PDE11A: variants seen among roughly 807,000 people sequenced by gnomAD.
PDE11A encodes the protein phosphodiesterase 11A.
A neutral mutation model predicts 100.5 loss-of-function variants in PDE11A; 100 were observed. The observed-to-expected ratio is 1.00, with a 90% CI of 0.85 to 1.18. PDE11A has a LOEUF of 1.18. Among genes scored for constraint, PDE11A ranks in the 50% most tolerant of loss-of-function variants. The pLI is 0.00. For missense variants in PDE11A, 1,141 were observed against 1,152.6 expected, an observed-to-expected ratio of 0.99 and a Z score of 0.15; for synonymous variants, 381 against 420.8, an observed-to-expected ratio of 0.91 and a Z score of 1.16.
At chr2:177,829,194 T>C (rs768332585) in intron 6 of PDE11A, among the ~76,000 whole-genome samples, 20 of 152,020 alleles carry the variant, frequency 1.3e-4, no homozygotes, top group Non-Finnish European at 2.6e-4. Context: ...AGGAGCAGGC[T>C]TGGGGGGCAG....
At chr2:177,696,842 G>A (rs2081118796) in intron 15 of PDE11A, among the ~76,000 whole-genome samples, 1 of 152,178 alleles carries the variant, frequency 6.6e-6, no homozygotes, top group Non-Finnish European at 1.5e-5. Context: ...AAATGGGAGG[G>A]TGCAATTTCC....
intron 5 of PDE11A, among the ~76,000 whole-genome samples, chr2:177,853,714 T>TTTG (rs2083770483): frequency 2.5e-4 from 4 of 16,302 alleles, no homozygotes; most frequent in African/African-American, 6.8e-4. Flanking sequence ...GTGTGTGTGT[T>TTTG]TGTGTGTGTG....
Position 177,624,449 on chromosome 2 carries a change from A to G in PDE11A, c.*4958T>C, listed in dbSNP as rs1296691609. 1 of 152,188 alleles carries G rather than the reference A, an allele frequency of 6.6e-6. No homozygotes were observed. The highest frequency in any genetic ancestry group is 1.5e-5 in the Non-Finnish European group (1 of 68,022). The allele number at this position is 152,188 out of a possible 1,614,324, so 9.4% of individuals were successfully genotyped here. On this transcript the variant is annotated 3_prime_UTR_variant, in exon 20 of 20. Coordinates refer to ENST00000286063, the MANE Select transcript of PDE11A (RefSeq NM_016953.4). ...TTAAAATAATTTTACTGCAGAATAAATTGGGCAGATTCTGTTTAATTACCT... is the reference window on the plus strand; with the variant it reads ...TTAAAATAATTTTACTGCAGAATAAGTTGGGCAGATTCTGTTTAATTACCT...
chr2:177,693,915 C>T (rs374669580), intron 15 of PDE11A, among the ~76,000 whole-genome samples: 5 of 152,272 alleles, frequency 3.3e-5, no homozygotes, highest in African/African-American at 1.2e-4. Flanking sequence ...AACATCGGGG[C>T]GACAGTTTGT....
intron 5 of PDE11A, among the ~76,000 whole-genome samples, chr2:177,844,163 G>T (rs2083540110): frequency 6.6e-6 from 1 of 152,018 alleles, no homozygotes; most frequent in African/African-American, 2.4e-5. Flanking sequence ...CCATAAGTTG[G>T]GTGACTTATA....
chr2:177,629,620 T>C (rs2079887620), intron 19 of PDE11A, 58 bp from the exon 20 acceptor site: 5 of 1,560,634 alleles, frequency 3.2e-6, no homozygotes, highest in Non-Finnish European at 3.5e-6. Context: ...GTAACTGACA[T>C]GATTTTCCAC....
intron 16 of PDE11A, 179 bp from the exon 17 acceptor site, chr2:177,675,697 G>T: frequency 1.4e-6 from 1 of 701,662 alleles, no homozygotes; most frequent in Non-Finnish European, 2.7e-6. Context: ...CCATCATGTG[G>T]CCACGCTGCT....
intron 13 of PDE11A, among the ~76,000 whole-genome samples, chr2:177,706,829 A>AC (rs1180241796): frequency 6.6e-6 from 1 of 151,942 alleles, no homozygotes; most frequent in East Asian, 1.9e-4. Context: ...CTCAATACCT[A>AC]CCTCATATGT....
chr2:178,072,818 C>A (rs920898285), upstream of PDE11A: 6 of 1,202,740 alleles, frequency 5.0e-6, no homozygotes, highest in South Asian at 3.3e-5. Context: ...GGGCAGGACA[C>A]GCCCCTGAGT....
intron 2 of PDE11A, among the ~76,000 whole-genome samples, chr2:178,099,163 C>A (rs1036123549): frequency 6.6e-6 from 1 of 152,172 alleles, no homozygotes; most frequent in African/African-American, 2.4e-5. Flanking sequence ...CAGTGGCCCA[C>A]GCCTGTAATC....
At chr2:177,739,639 G>T (rs1044050851) in intron 10 of PDE11A, among the ~76,000 whole-genome samples, 8 of 152,142 alleles carry the variant, frequency 5.3e-5, no homozygotes, top group African/African-American at 1.9e-4. Context: ...GAGTCTCTTT[G>T]TCACTTCTGA....
intron 5 of PDE11A, 32 bp downstream of exon 5, chr2:177,875,827 A>T (rs1237808819): frequency 6.8e-7 from 1 of 1,460,848 alleles, no homozygotes; most frequent in Admixed American, 1.7e-5. Context: ...ACAAAAGAAC[A>T]TCAAAAGACC....
intron 9 of PDE11A, among the ~76,000 whole-genome samples, chr2:177,787,648 C>A (rs2082557942): frequency 6.7e-6 from 1 of 149,678 alleles, no homozygotes; most frequent in African/African-American, 2.4e-5. Context: ...AAACCCATCT[C>A]ACGTGCAGAG....
intron 1 of PDE11A, among the ~76,000 whole-genome samples, chr2:178,016,131 ATTT>A (rs55638601): frequency 3.6e-5 from 3 of 83,744 alleles, no homozygotes; most frequent in African/African-American, 9.8e-5. Flanking sequence ...TGCCTGGCTA[ATTT>A]TTTTTTTTTT....
At chr2:177,899,601 T>C in intron 3 of PDE11A, 1 of 299,632 alleles carries the variant, frequency 3.3e-6, no homozygotes, top group Non-Finnish European at 7.0e-6. Context: ...CTGAAAGAAT[T>C]AGAGAGGTGA....
chr2:177,717,880 G>T (rs914674210), intron 12 of PDE11A, among the ~76,000 whole-genome samples: 15 of 152,182 alleles, frequency 9.9e-5, no homozygotes, highest in Non-Finnish European at 1.2e-4. Flanking sequence ...AATCAGCCAG[G>T]ATGTACTCTC....
At chr2:177,636,903 C>T (rs892712588) in intron 19 of PDE11A, among the ~76,000 whole-genome samples, 5 of 152,180 alleles carry the variant, frequency 3.3e-5, no homozygotes, top group Non-Finnish European at 7.3e-5. Context: ...ATCAGGTCTT[C>T]AATGAACTCA....
chr2:177,834,142 T>G (rs756901103), intron 6 of PDE11A, among the ~76,000 whole-genome samples: 2 of 152,174 alleles, frequency 1.3e-5, no homozygotes, highest in Non-Finnish European at 2.9e-5. Flanking sequence ...CTTCAATGTG[T>G]CTGCCTGCCT....
chr2:177,744,812 G>A lies in PDE11A; in HGVS notation c.1789-16640C>T, dbSNP rs530855091. 7.2e-5 allele frequency among the ~76,000 whole-genome samples: 11 copies of A among 152,262 alleles called. No individual in the cohort carries two copies. In the South Asian group the frequency reaches 1.2e-3, roughly 17 times the overall value. On this transcript the variant is annotated intron_variant, in intron 10 of 19. Coordinates refer to ENST00000286063, the MANE Select transcript of PDE11A (RefSeq NM_016953.4). ...TGGGTTGATATATGCTCTCTCACACGCACATGCACGGAGCAGAAACCATAG... is the reference window on the plus strand; with the variant it reads ...TGGGTTGATATATGCTCTCTCACACACACATGCACGGAGCAGAAACCATAG...
Sources: gnomAD v4.1 joint callset for allele counts (sites outside exome capture counted in the v4.1 genomes callset) on GRCh38, gnomAD v4.1.1 for gene constraint, MANE v1.5 for transcripts, NCBI Gene and HGNC (gene_info 2026-07-23, HGNC 2026-07-21) for gene names.